Variants in FGF1 observed in about 807,000 individuals in gnomAD.
FGF1 encodes beta-endothelial cell growth factor.
A neutral mutation model predicts 13.4 loss-of-function variants in FGF1; 9 were observed. That is an observed-to-expected ratio of 0.67 (90% CI 0.40 to 1.17). FGF1 has a LOEUF of 1.17. Ranked by LOEUF, FGF1 falls within the 50% of genes most tolerant of loss-of-function variation. The pLI, the probability that FGF1 is intolerant of heterozygous loss-of-function variation, is 0.01. For synonymous variants in FGF1, 93 were observed against 79.0 expected (o/e 1.18, Z -0.94); for missense variants, 156 against 192.7 (o/e 0.81, Z 1.13).
intron 1 of FGF1, among the ~76,000 whole-genome samples, chr5:142,679,139 G>A (rs1773218184): frequency 6.6e-6 from 1 of 152,100 alleles, no homozygotes; most frequent in African/African-American, 2.4e-5. Flanking sequence ...ACAGCTTAAG[G>A]AACTAAATCC....
At chr5:142,659,747 C>T (rs1258884724) in intron 1 of FGF1, among the ~76,000 whole-genome samples, 1 of 152,168 alleles carries the variant, frequency 6.6e-6, no homozygotes, top group Non-Finnish European at 1.5e-5. Flanking sequence ...AAGAGTTAGC[C>T]CAGAGCCTGG....
rs779156328 is a variant in FGF1 at position 142,614,006 on chromosome 5, A to C, written c.122T>G (p.Leu41Arg). The stretch of plus-strand genomic sequence containing the variant: ...TGTCCCATCCACTGTGCCATCCGGA[A>C]GGATCCTCAGGAAGTGGCCCCCGTT... The part of the protein sequence containing the change: ...CSNGGHFLRI[L>R]PDGTVDGTRD... Residue 41 changes from leucine (L) to arginine (R), a missense_variant, in exon 2 of 4, where the codon CTT becomes CGT. Transcript: ENST00000337706. 6.2e-7 allele frequency: 1 copy of C among 1,614,112 alleles called. No individual in the cohort carries two copies. The highest frequency in any genetic ancestry group is 1.1e-5 in the South Asian group (1 of 91,072).
chr5:142,607,568 A>T (rs1293379738), intron 2 of FGF1, among the ~76,000 whole-genome samples: 12 of 152,256 alleles, frequency 7.9e-5, no homozygotes, highest in Non-Finnish European at 1.8e-4. Flanking sequence ...TTTCTTGGAG[A>T]AATTCAAACT....
intron 2 of FGF1, among the ~76,000 whole-genome samples, chr5:142,693,964 T>C (rs963544638): frequency 6.6e-6 from 1 of 152,196 alleles, no homozygotes; most frequent in African/African-American, 2.4e-5. Context: ...GCTATTATTA[T>C]ACTGTTGTTA....
chr5:142,605,338 C>G (rs893717388), intron 2 of FGF1, among the ~76,000 whole-genome samples: 1 of 145,532 alleles, frequency 6.9e-6, no homozygotes, highest in African/African-American at 2.6e-5. Flanking sequence ...CCAGGATGGT[C>G]TTAAACTCCT....
intron 1 of FGF1, among the ~76,000 whole-genome samples, chr5:142,671,247 T>C (rs1311634679): frequency 3.3e-5 from 5 of 152,232 alleles, no homozygotes; most frequent in African/African-American, 1.2e-4. Flanking sequence ...TCTATGTATG[T>C]GTCAGTGGAG....
At chr5:142,631,606 G>A (rs529206110) in intron 1 of FGF1, among the ~76,000 whole-genome samples, 1 of 152,128 alleles carries the variant, frequency 6.6e-6, no homozygotes, top group Non-Finnish European at 1.5e-5. Context: ...AAAGTGATAA[G>A]ATAGAAATCA....
intron 1 of FGF1, chr5:142,680,124 C>T (rs749048940): frequency 1.8e-4 from 27 of 152,118 alleles, no homozygotes; most frequent in Non-Finnish European, 3.5e-4. Context: ...TTCATTGTAA[C>T]TTGATTATCT....
upstream of FGF1, among the ~76,000 whole-genome samples, chr5:142,689,290 T>G (rs1751755635): frequency 6.6e-6 from 1 of 152,130 alleles, no homozygotes. Context: ...CATGCCACTC[T>G]CTCCCTCCAG....
chr5:142,681,713 G>A (rs1374012306), intron 1 of FGF1, among the ~76,000 whole-genome samples: 3 of 152,158 alleles, frequency 2.0e-5, no homozygotes, highest in Admixed American at 1.3e-4. Flanking sequence ...GCACAGGCTC[G>A]CTGGACAGCC....
Position 142,696,951 on chromosome 5 carries a change from T to C in FGF1, c.-35+671A>G, listed in dbSNP as rs146277322. 7.4e-4 allele frequency among the ~76,000 whole-genome samples: 113 copies of C among 152,268 alleles called. 1 individual carries two copies. In the East Asian group the frequency reaches 0.021, roughly 29 times the overall value. On this transcript the variant is annotated intron_variant, in intron 2 of 4. Coordinates refer to the FGF1 transcript ENST00000407758. ...GTCTATCCATATCCCTAAATGGATA[T>C]AGGTACATGTTCTATGAGGAGGCAT... is the stretch of plus-strand genomic sequence containing the variant.
At chr5:142,666,561 T>C (rs570278094) in intron 1 of FGF1, among the ~76,000 whole-genome samples, 149 of 152,178 alleles carry the variant, frequency 9.8e-4, no homozygotes, top group Non-Finnish European at 1.4e-3. Context: ...ACCGTAGCAT[T>C]TCAGCCAGGA....
At chr5:142,635,762 A>G (rs2151938995) in intron 1 of FGF1, among the ~76,000 whole-genome samples, 1 of 152,334 alleles carries the variant, frequency 6.6e-6, no homozygotes, top group African/African-American at 2.4e-5. Flanking sequence ...CACATGTTCA[A>G]CAAGATTCCA....
chr5:142,615,404 A>T (rs1015787138), intron 1 of FGF1, among the ~76,000 whole-genome samples: 1 of 152,156 alleles, frequency 6.6e-6, no homozygotes, highest in Non-Finnish European at 1.5e-5. Flanking sequence ...TTATATTTTT[A>T]GTAGAGATGG....
chr5:142,649,826 T>C (rs1597324656), intron 1 of FGF1, among the ~76,000 whole-genome samples: 1 of 152,364 alleles, frequency 6.6e-6, no homozygotes, highest in East Asian at 1.9e-4. Flanking sequence ...TGTTTTACCG[T>C]ATACACTTTT....
Position 142,671,460 on chromosome 5 carries a change from C to A in FGF1, c.-35+14497G>T, listed in dbSNP as rs138220383. ...AGACAATCGTAAAACACAGCTGCTACATAGAAAGGAAGGCTACATTCCTCT... is the reference window on the plus strand; with the variant it reads ...AGACAATCGTAAAACACAGCTGCTAAATAGAAAGGAAGGCTACATTCCTCT... On this transcript the variant is annotated intron_variant, in intron 1 of 3. Transcript: ENST00000337706. Among the ~76,000 whole-genome samples the A allele has an allele frequency of 3.2e-3, 494 of 152,320 alleles. 4 individuals are homozygous for A. The highest frequency in any genetic ancestry group is 0.011 in the African/African-American group (463 of 41,576).
In FGF1 at chr5:142,595,421, T is replaced by C. The variant is rs561960626; in HGVS notation, c.337A>G (p.Ile113Val). The C allele has an allele frequency of 5.0e-6, 8 of 1,614,010 alleles. No homozygotes were observed. The African/African-American group carries it at 6.7e-5, about 13-fold the overall frequency. Reference sequence around the variant, plus strand: ...TTCTTCTCTGCATGCTTCTTGGATATATAGGTGTTGTAATGGTTCTCCTCC... The same window carrying C: ...TTCTTCTCTGCATGCTTCTTGGATACATAGGTGTTGTAATGGTTCTCCTCC... ...RLEENHYNTY[I>V]SKKHAEKNWF... The change falls in exon 4 of 4, where the codon ATA (isoleucine) becomes GTA (valine). Residue 113 changes from isoleucine (I) to valine (V), a missense_variant. By Grantham distance (29) the Ile-to-Val change is conservative. Transcript: ENST00000337706.
chr5:142,669,620 G>A (rs1771064292), intron 1 of FGF1, among the ~76,000 whole-genome samples: 1 of 151,888 alleles, frequency 6.6e-6, no homozygotes, highest in Non-Finnish European at 1.5e-5. Flanking sequence ...ACGCAGCCAG[G>A]AGCAGCCCAT....
intron 1 of FGF1, among the ~76,000 whole-genome samples, chr5:142,649,075 T>G (rs1029860131): frequency 2.6e-5 from 4 of 152,242 alleles, no homozygotes; most frequent in South Asian, 2.1e-4. Flanking sequence ...TACTCTGATT[T>G]AACAAATGTT....
Sources: allele counts gnomAD v4.1 joint callset (sites outside exome capture counted in the v4.1 genomes callset), GRCh38; gene constraint gnomAD v4.1.1; transcripts MANE v1.5; gene names NCBI Gene and HGNC (gene_info 2026-07-23, HGNC 2026-07-21).